Variants in APOC3 observed in about 807,000 individuals in gnomAD.
APOC3 encodes apolipoprotein C-III.
In APOC3, 6 loss-of-function variants were observed where a neutral mutation model predicts 7.3. The observed-to-expected ratio is 0.82, with a 90% CI of 0.45 to 1.61. The LOEUF is 1.61. Among genes scored for constraint, APOC3 ranks in the 40% most tolerant of loss-of-function variants. The pLI, the probability that APOC3 is intolerant of heterozygous loss-of-function variation, is 0.01. For synonymous variants in APOC3, 45 were observed against 51.2 expected, an observed-to-expected ratio of 0.88 and a Z score of 0.52; for missense variants, 123 against 124.9, an observed-to-expected ratio of 0.98 and a Z score of 0.07.
Position 116,833,055 on chromosome 11 carries a change from G to A in APOC3, c.*171G>A. On this transcript the variant is annotated 3_prime_UTR_variant, in exon 4 of 4. Coordinates refer to ENST00000227667, the MANE Select transcript of APOC3 (RefSeq NM_000040.3). ...GCATGCTGGCCTCCCAATAAAGCTG[G>A]ACAAGAAGCTGCTATGAGTGGGCCG... The A allele has an allele frequency of 3.2e-6, 3 of 938,574 alleles. No homozygotes were observed. Among genetic ancestry groups the A allele is most frequent in the Non-Finnish European group, 5.0e-6 (3 of 604,366 alleles). The allele number at this position is 938,574 out of a possible 1,614,324, so 58.1% of individuals were successfully genotyped here.
chr11:116,832,244 T>C (rs917385101), intron 3 of APOC3, among the ~76,000 whole-genome samples: 2 of 152,108 alleles, frequency 1.3e-5, no homozygotes, highest in South Asian at 4.1e-4. Flanking sequence ...ACATTCTTAG[T>C]CCCCAGAACC....
chr11:116,831,135 G>C (rs947670809), intron 3 of APOC3: 8 of 507,302 alleles, frequency 1.6e-5, no homozygotes, highest in Middle Eastern at 1.0e-3. Flanking sequence ...CCTAGGGCGT[G>C]CCGTTTTAGC....
At position 116,833,008 on chromosome 11, in the gene APOC3, C is replaced by T. The variant is rs1209316927; in HGVS notation, c.*124C>T. ...TATTCTCAGTGCTCTCCTACCCCAC[C>T]TCATGCCTGGCCCCCCTCCAGGCAT... is the stretch of plus-strand genomic sequence containing the variant. On this transcript the variant is annotated 3_prime_UTR_variant, in exon 4 of 4. Transcript: ENST00000227667. The T allele has an allele frequency of 1.4e-6, 2 of 1,381,480 alleles. No homozygotes were observed. Among genetic ancestry groups the T allele is most frequent in the Non-Finnish European group, 2.0e-6 (2 of 986,074 alleles). 85.6% of individuals were successfully genotyped at this position (1,381,480 alleles called of 1,614,324 possible).
At chr11:116,831,307 TTC>T (rs1565336625) in intron 3 of APOC3, among the ~76,000 whole-genome samples, 50 of 129,736 alleles carry the variant, frequency 3.9e-4, no homozygotes, top group East Asian at 3.7e-3. Context: ...TTTCCTTTCT[TTC>T]TCTTTCTTTC....
In APOC3 at chr11:116,832,879, GCCTGAGA is replaced by G; in HGVS notation, c.299_*5del. Reference sequence around the variant, plus strand: ...GGTCAGACCAACTTCAGCCGTGGCTGCCTGAGACCTCAATACCCCAAGTCCACCTGCC... The same window carrying G: ...GGTCAGACCAACTTCAGCCGTGGCTGCCTCAATACCCCAAGTCCACCTGCC... On this transcript the variant is annotated stop_lost and 3_prime_UTR_variant, in exon 4 of 4. Transcript: ENST00000227667. 6.2e-7 allele frequency: 1 copy of G among 1,613,784 alleles called. No individual in the cohort carries two copies. The highest frequency in any genetic ancestry group is 8.5e-7 in the Non-Finnish European group (1 of 1,180,042).
Position 116,831,914 on chromosome 11 carries a change from G to A in APOC3, c.180-850G>A, listed in dbSNP as rs140223477. Among the ~76,000 whole-genome samples, 1,477 of 152,304 alleles carry A rather than the reference G, an allele frequency of 9.7e-3. 13 individuals carry two copies. Among genetic ancestry groups the A allele is most frequent in the Non-Finnish European group, 0.016 (1,088 of 68,018 alleles). ...AAGGCCACTTGATCTGACAGGAGGC[G>A]GAGCTCAGGCGGTATTGCTCACTCA... On this transcript the variant is annotated intron_variant, in intron 3 of 3. Transcript: ENST00000227667.
Position 116,830,816 on chromosome 11 carries a change from G to A in APOC3, c.99G>A (p.Gln33=), listed in dbSNP as rs200557528. ...AEDASLLSFM[Q]GYMKHATKTA... is the part of the protein sequence containing the mutation. The stretch of plus-strand genomic sequence containing the variant: ...ATGCCTCCCTTCTCAGCTTCATGCA[G>A]GGTTACATGAAGCACGCCACCAAGA... Residue 33 remains glutamine (Q), a synonymous_variant, in exon 3 of 4, where the codon CAG becomes CAA. Transcript: ENST00000227667. The A allele has an allele frequency of 1.1e-4, 174 of 1,613,244 alleles. No homozygotes were observed. The East Asian group carries it at 3.5e-3, about 32-fold the overall frequency.
Position 116,832,919 on chromosome 11 carries a change from C to G in APOC3, c.*35C>G, listed in dbSNP as rs201360025. 7.4e-5 allele frequency: 119 copies of G among 1,613,398 alleles called. No individual in the cohort carries two copies. The African/African-American group carries it at 1.6e-3, about 21-fold the overall frequency. ...ACCCCAAGTCCACCTGCCTATCCAT[C>G]CTGCGAGCTCCTTGGGTCCTGCAAT... is the stretch of plus-strand genomic sequence containing the variant. On this transcript the variant is annotated 3_prime_UTR_variant, in exon 4 of 4. Coordinates refer to ENST00000227667, the MANE Select transcript of APOC3 (RefSeq NM_000040.3).
intron 3 of APOC3, among the ~76,000 whole-genome samples, chr11:116,831,307 T>C (rs867218699): frequency 3.9e-5 from 5 of 129,662 alleles, no homozygotes; most frequent in South Asian, 2.2e-4. Context: ...TTTCCTTTCT[T>C]TCTCTTTCTT....
chr11:116,831,300 C>CTT (rs1941456640), intron 3 of APOC3, among the ~76,000 whole-genome samples: 1 of 110,480 alleles, frequency 9.1e-6, no homozygotes, highest in African/African-American at 5.1e-5. Flanking sequence ...TTCTTTCTTT[C>CTT]CTTTCTTTCT....
intron 3 of APOC3, chr11:116,831,236 TCTTTCTTTCTTTCTTTCTTTC>T (rs1565336493): frequency 1.2e-4 from 20 of 170,082 alleles, no homozygotes; most frequent in South Asian, 4.4e-4. Context: ...TTTCTTTCTT[TCTTTCTTTCTTTCTTTCTTTC>T]CTTTCTTTCT....
In APOC3 at chr11:116,832,934, G is replaced by A; in HGVS notation, c.*50G>A. The A allele has an allele frequency of 6.2e-7, 1 of 1,612,582 alleles. No homozygotes were observed. Among genetic ancestry groups the A allele is most frequent in the South Asian group, 1.1e-5 (1 of 91,028 alleles). ...GCCTATCCATCCTGCGAGCTCCTTG[G>A]GTCCTGCAATCTCCAGGGCTGCCCC... On this transcript the variant is annotated 3_prime_UTR_variant, in exon 4 of 4. Transcript: ENST00000227667.
intron 3 of APOC3, 127 bp downstream of exon 3, chr11:116,831,023 A>G: frequency 8.6e-7 from 1 of 1,165,628 alleles, no homozygotes; most frequent in Non-Finnish European, 1.2e-6. Context: ...GTGCCTCTTC[A>G]GCCTCCTCTT....
At position 116,832,980 on chromosome 11, in the gene APOC3, C is replaced by G; in HGVS notation, c.*96C>G. 6.5e-7 allele frequency: 1 copy of G among 1,537,436 alleles called. No individual in the cohort carries two copies. Among genetic ancestry groups the G allele is most frequent in the Non-Finnish European group, 9.0e-7 (1 of 1,116,382 alleles). On this transcript the variant is annotated 3_prime_UTR_variant, in exon 4 of 4. Coordinates refer to ENST00000227667, the MANE Select transcript of APOC3 (RefSeq NM_000040.3). ...GCCCCTGTAGGTTGCTTAAAAGGGA[C>G]AGTATTCTCAGTGCTCTCCTACCCC...
Position 116,832,896 on chromosome 11 carries a change from C to A in APOC3, c.*12C>A. ...CCGTGGCTGCCTGAGACCTCAATAC[C>A]CCAAGTCCACCTGCCTATCCATCCT... On this transcript the variant is annotated 3_prime_UTR_variant, in exon 4 of 4. Coordinates refer to ENST00000227667, the MANE Select transcript of APOC3 (RefSeq NM_000040.3). The A allele has an allele frequency of 6.2e-7, 1 of 1,613,576 alleles. No homozygotes were observed. Among genetic ancestry groups the A allele is most frequent in the Non-Finnish European group, 8.5e-7 (1 of 1,180,012 alleles).
chr11:116,832,707 G>A (rs561318344), intron 3 of APOC3, 57 bp from the exon 4 acceptor site: 1 of 1,613,396 alleles, frequency 6.2e-7, no homozygotes, highest in South Asian at 1.1e-5. Context: ...TGGGTCCCAT[G>A]GTTGCCTACA....
At chr11:116,832,130 T>C (rs1365204134) in intron 3 of APOC3, among the ~76,000 whole-genome samples, 1 of 152,218 alleles carries the variant, frequency 6.6e-6, no homozygotes, top group Non-Finnish European at 1.5e-5. Flanking sequence ...AAGTGTGTCC[T>C]TCCTCTCCCA....
At position 116,831,234 on chromosome 11, in the gene APOC3, TTTCTTTCTTTCTTTC is replaced by T. The variant is rs1251968796; in HGVS notation, c.179+341_179+355del. On this transcript the variant is annotated intron_variant, in intron 3 of 3. Transcript: ENST00000227667. ...CTTTCTTTCTTTCTTTCTTTCTTTC[TTTCTTTCTTTCTTTC>T]TTTCTTTCCTTTCTTTCTTTCCTTT... is the stretch of plus-strand genomic sequence containing the variant. 157 of 174,190 alleles carry T rather than the reference TTTCTTTCTTTCTTTC, an allele frequency of 9.0e-4. 5 individuals are homozygous for T. The East Asian group carries it at 0.018, about 20-fold the overall frequency. The allele number at this position is 174,190 out of a possible 1,614,324, so 10.8% of individuals were successfully genotyped here. A position where few individuals can be genotyped will look rare whatever the true frequency, so the allele number is the denominator to read the frequency against.
At chr11:116,830,693 A>G in intron 2 of APOC3, 56 bp downstream of exon 2, 1 of 1,613,286 alleles carries the variant, frequency 6.2e-7, no homozygotes, top group Non-Finnish European at 8.5e-7. Context: ...TGGGGATCCC[A>G]GTCCCAATGG....
Sources: allele counts gnomAD v4.1 joint callset (sites outside exome capture counted in the v4.1 genomes callset), GRCh38; gene constraint gnomAD v4.1.1; transcripts MANE v1.5; gene names NCBI Gene and HGNC (gene_info 2026-07-23, HGNC 2026-07-21).